The following SENP7 variants were observed in gnomAD, a reference collection of about 807,000 sequenced individuals.
SENP7 encodes the protein SUMO specific peptidase 7.
In SENP7, 64 loss-of-function variants were observed where a neutral mutation model predicts 141.2. The ratio of observed to expected loss-of-function variants is 0.45; its 90% CI spans 0.37 to 0.56. The LOEUF (loss-of-function observed/expected upper bound fraction) is 0.56, where lower values mean the gene tolerates loss of function less well. Ranked by LOEUF, SENP7 falls within the 20% of genes least tolerant of loss-of-function variation. The pLI is 0.00. For missense variants in SENP7, 1,025 were observed against 1,212.2 expected (o/e 0.85, Z 2.29); for synonymous variants, 382 against 426.4 (o/e 0.90, Z 1.28).
chr3:101,364,776 T>A lies in SENP7; in HGVS notation c.1476+58A>T. On this transcript the variant is annotated intron_variant, in intron 10 of 23. Transcript: ENST00000394095. ...TTCAGCTTGATAAAACAAATAACAGTCATTAACCAATAGTGTACATTTCAT... is the reference window on the plus strand; with the variant it reads ...TTCAGCTTGATAAAACAAATAACAGACATTAACCAATAGTGTACATTTCAT... The A allele has an allele frequency of 4.2e-6, 5 of 1,184,098 alleles. No homozygotes were observed. The South Asian group carries it at 6.4e-5, about 15-fold the overall frequency. 73.3% of individuals were successfully genotyped at this position (1,184,098 alleles called of 1,614,324 possible).
At chr3:101,378,126 C>T (rs1296401502) in intron 6 of SENP7, among the ~76,000 whole-genome samples, 1 of 149,110 alleles carries the variant, frequency 6.7e-6, no homozygotes, top group Non-Finnish European at 1.5e-5. Flanking sequence ...ACAGTAGTTG[C>T]TTTTATCTAG....
intron 4 of SENP7, among the ~76,000 whole-genome samples, chr3:101,427,514 A>T (rs1354580056): frequency 7.3e-6 from 1 of 137,200 alleles, no homozygotes; most frequent in East Asian, 2.2e-4. Context: ...AAAAAATTTG[A>T]TTTATCACAT....
At chr3:101,458,919 T>G in intron 4 of SENP7, 36 bp downstream of exon 4, 2 of 1,241,760 alleles carry the variant, frequency 1.6e-6, no homozygotes, top group Non-Finnish European at 2.3e-6. Context: ...CTTTATAGGT[T>G]AAGCCCATAC....
intron 3 of SENP7, among the ~76,000 whole-genome samples, chr3:101,477,942 TG>T (rs1158429456): frequency 6.6e-6 from 1 of 150,780 alleles, no homozygotes; most frequent in Non-Finnish European, 1.5e-5. Context: ...AAAGAATCAA[TG>T]AAAAAAAGCG....
At chr3:101,402,515 C>G (rs1032724966) in intron 5 of SENP7, among the ~76,000 whole-genome samples, 64 of 141,554 alleles carry the variant, frequency 4.5e-4, no homozygotes, top group African/African-American at 1.6e-3. Context: ...CCAGCTACTT[C>G]AGAGGCTGAG....
At chr3:101,385,215 C>CA (rs1005703871) in intron 6 of SENP7, among the ~76,000 whole-genome samples, 16 of 151,316 alleles carry the variant, frequency 1.1e-4, no homozygotes, top group South Asian at 6.2e-4. Flanking sequence ...GACATATAGA[C>CA]AAAAAAAATA....
chr3:101,417,527 AGGAGTAC>A, intron 5 of SENP7, 59 bp downstream of exon 5: 1 of 1,270,194 alleles, frequency 7.9e-7, no homozygotes, highest in South Asian at 1.2e-5. Context: ...TTTTATCATT[AGGAGTAC>A]GGGATTCATA....
intron 1 of SENP7, among the ~76,000 whole-genome samples, chr3:101,511,589 A>G (rs933277904): frequency 1.3e-5 from 2 of 152,194 alleles, no homozygotes; most frequent in Non-Finnish European, 2.9e-5. Context: ...CATATATATC[A>G]TTTATACATG....
chr3:101,414,576 C>G, intron 5 of SENP7: 2 of 1,454,400 alleles, frequency 1.4e-6, no homozygotes, highest in South Asian at 2.3e-5. Flanking sequence ...ACCACATGCA[C>G]CTCATCCCAA....
intron 4 of SENP7, among the ~76,000 whole-genome samples, chr3:101,421,735 G>A (rs2061796064): frequency 6.6e-6 from 1 of 152,132 alleles, no homozygotes; most frequent in South Asian, 2.1e-4. Context: ...ACAGAAGTCA[G>A]TAATCTTTTT....
intron 6 of SENP7, among the ~76,000 whole-genome samples, chr3:101,379,925 C>T (rs1441470989): frequency 2.0e-5 from 3 of 152,192 alleles, no homozygotes; most frequent in Non-Finnish European, 4.4e-5. Context: ...AGCAACACCA[C>T]TATCTATCAA....
intron 4 of SENP7, among the ~76,000 whole-genome samples, chr3:101,431,269 T>G (rs901266092): frequency 9.9e-5 from 15 of 152,128 alleles, no homozygotes; most frequent in African/African-American, 3.1e-4. Context: ...TGTCTAATAT[T>G]AACAGTAGGG....
At chr3:101,443,837 AT>A (rs1457393768) in intron 4 of SENP7, among the ~76,000 whole-genome samples, 2 of 145,516 alleles carry the variant, frequency 1.4e-5, no homozygotes, top group Non-Finnish European at 3.0e-5. Flanking sequence ...GCTTAAGGAG[AT>A]TTTGGGCTGA....
intron 17 of SENP7, among the ~76,000 whole-genome samples, chr3:101,336,180 G>A (rs1034454932): frequency 6.6e-6 from 1 of 152,142 alleles, no homozygotes; most frequent in African/African-American, 2.4e-5. Flanking sequence ...AATTCATAAA[G>A]ACAATGACAA....
chr3:101,386,755 G>C (rs2060663881), intron 6 of SENP7, among the ~76,000 whole-genome samples: 1 of 152,228 alleles, frequency 6.6e-6, no homozygotes, highest in South Asian at 2.1e-4. Context: ...CAAAGTCTGA[G>C]AGGTGCCTGC....
At chr3:101,482,286 C>G (rs1343365545) in intron 3 of SENP7, among the ~76,000 whole-genome samples, 1 of 150,666 alleles carries the variant, frequency 6.6e-6, no homozygotes, top group Non-Finnish European at 1.5e-5. Context: ...GCACTCCAGC[C>G]TGGGCGACAG....
intron 6 of SENP7, among the ~76,000 whole-genome samples, chr3:101,380,514 A>G (rs2060473066): frequency 6.7e-6 from 1 of 150,236 alleles, no homozygotes; most frequent in Admixed American, 6.7e-5. Flanking sequence ...ACAGTGGTGC[A>G]CACCTATAGT....
intron 13 of SENP7, among the ~76,000 whole-genome samples, chr3:101,344,187 G>A (rs1024739162): frequency 6.6e-6 from 1 of 152,140 alleles, no homozygotes; most frequent in African/African-American, 2.4e-5. Context: ...TAATAGTACT[G>A]ATTGCTATAT....
chr3:101,433,785 G>A (rs2062276120), intron 4 of SENP7, among the ~76,000 whole-genome samples: 1 of 152,100 alleles, frequency 6.6e-6, no homozygotes, highest in Admixed American at 6.6e-5. Flanking sequence ...TAATATTAGA[G>A]CTAAAGTGAG....
Sources: allele counts gnomAD v4.1 joint callset (sites outside exome capture counted in the v4.1 genomes callset), GRCh38; gene constraint gnomAD v4.1.1; transcripts MANE v1.5; gene names NCBI Gene and HGNC (gene_info 2026-07-23, HGNC 2026-07-21).